Variants in GRM8 observed in about 807,000 individuals in gnomAD.
GRM8 encodes glutamate metabotropic receptor 8, also known as metabotropic glutamate receptor 8.
Under a neutral mutation model 87.2 loss-of-function variants are expected in GRM8, and 47 were observed. That is an observed-to-expected ratio of 0.54 (90% CI 0.43 to 0.69). GRM8 has a LOEUF of 0.69. Ranked by LOEUF, GRM8 falls within the 30% of genes least tolerant of loss-of-function variation. The probability of loss-of-function intolerance (pLI) is 0.00; values close to 1 mark genes in which losing one functional copy is unlikely to be tolerated. For synonymous variants in GRM8, 396 were observed against 404.5 expected, an observed-to-expected ratio of 0.98 and a Z score of 0.25; for missense variants, 1,019 against 1,139.2, an observed-to-expected ratio of 0.89 and a Z score of 1.52.
chr7:127,162,598 G>A (rs1793185372), intron 2 of GRM8, among the ~76,000 whole-genome samples: 1 of 152,130 alleles, frequency 6.6e-6, no homozygotes, highest in African/African-American at 2.4e-5. Context: ...TGTCTGAGTA[G>A]GGAGTTAATA....
chr7:127,235,004 T>C (rs765999852), intron 2 of GRM8, among the ~76,000 whole-genome samples: 5 of 152,226 alleles, frequency 3.3e-5, no homozygotes, highest in Non-Finnish European at 7.3e-5. Flanking sequence ...AGCACAGTAC[T>C]TTCCTTATGC....
At chr7:127,073,544 T>C (rs893526215) in intron 3 of GRM8, among the ~76,000 whole-genome samples, 7 of 152,160 alleles carry the variant, frequency 4.6e-5, no homozygotes, top group Admixed American at 6.5e-5. Flanking sequence ...TACCCCCCAA[T>C]GGTGTGGGGA....
chr7:126,441,323 T>C (rs1444741046), intron 10 of GRM8, among the ~76,000 whole-genome samples: 1 of 152,114 alleles, frequency 6.6e-6, no homozygotes, highest in Non-Finnish European at 1.5e-5. Context: ...AAATGTTTAA[T>C]TGTTCTGTTG....
At chr7:126,928,082 G>A (rs931614443) in intron 3 of GRM8, among the ~76,000 whole-genome samples, 19 of 152,094 alleles carry the variant, frequency 1.2e-4, no homozygotes, top group African/African-American at 3.1e-4. Flanking sequence ...CATGGATGAC[G>A]CTGGAAATCA....
intron 2 of GRM8, among the ~76,000 whole-genome samples, chr7:127,107,834 T>C (rs892422889): frequency 2.6e-5 from 4 of 152,184 alleles, no homozygotes. Context: ...GAGAGTCCTG[T>C]TCCCTACTAG....
intron 3 of GRM8, among the ~76,000 whole-genome samples, chr7:127,097,032 C>T (rs542576612): frequency 6.6e-6 from 1 of 152,254 alleles, no homozygotes; most frequent in South Asian, 2.1e-4. Context: ...GGTCATTCAA[C>T]AGAAATTCAT....
At chr7:126,587,041 G>GAACACATTT (rs1345509633) in intron 8 of GRM8, among the ~76,000 whole-genome samples, 5 of 152,054 alleles carry the variant, frequency 3.3e-5, no homozygotes, top group African/African-American at 4.8e-5. Context: ...CATCTCAAAA[G>GAACACATTT]AACACATTTA....
At chr7:127,121,542 C>T (rs1252216564) in intron 2 of GRM8, among the ~76,000 whole-genome samples, 1 of 152,154 alleles carries the variant, frequency 6.6e-6, no homozygotes, top group Non-Finnish European at 1.5e-5. Flanking sequence ...CACTCTCACA[C>T]TGCTCTAAAG....
intron 7 of GRM8, among the ~76,000 whole-genome samples, chr7:126,620,171 C>T (rs1203225069): frequency 6.6e-6 from 1 of 152,146 alleles, no homozygotes; most frequent in Non-Finnish European, 1.5e-5. Flanking sequence ...ACCTGTACTC[C>T]TCATTACTCA....
chr7:126,824,948 A>G (rs2130254782), intron 6 of GRM8, among the ~76,000 whole-genome samples: 1 of 152,348 alleles, frequency 6.6e-6, no homozygotes, highest in Admixed American at 6.5e-5. Flanking sequence ...ACTCTCTCAA[A>G]GAGCCTCTCT....
At chr7:126,452,352 G>T (rs939896739) in intron 9 of GRM8, among the ~76,000 whole-genome samples, 1 of 150,482 alleles carries the variant, frequency 6.6e-6, no homozygotes, top group African/African-American at 2.4e-5. Flanking sequence ...GTTAATGGGT[G>T]CAGCACACCA....
chr7:126,555,380 C>G (rs1164470127), intron 8 of GRM8, among the ~76,000 whole-genome samples: 2 of 152,208 alleles, frequency 1.3e-5, no homozygotes, highest in Non-Finnish European at 2.9e-5. Context: ...GAATAACCAA[C>G]AGTGTATGGT....
chr7:126,517,553 G>A (rs910150285), intron 9 of GRM8, among the ~76,000 whole-genome samples: 7 of 152,030 alleles, frequency 4.6e-5, no homozygotes, highest in Admixed American at 1.3e-4. Context: ...CAATTAAACT[G>A]AATGTGATTT....
At chr7:127,081,312 G>T (rs866091691) in intron 3 of GRM8, among the ~76,000 whole-genome samples, 1 of 152,128 alleles carries the variant, frequency 6.6e-6, no homozygotes, top group East Asian at 1.9e-4. Context: ...AGTAGAGCAG[G>T]ATGGTCCCTA....
intron 2 of GRM8, among the ~76,000 whole-genome samples, chr7:127,124,206 T>A (rs1386315115): frequency 6.6e-6 from 1 of 152,174 alleles, no homozygotes; most frequent in Non-Finnish European, 1.5e-5. Context: ...TTCAACTAAG[T>A]ACCCTCTCCA....
intron 3 of GRM8, among the ~76,000 whole-genome samples, chr7:126,938,778 T>C (rs917263143): frequency 2.0e-5 from 3 of 152,208 alleles, no homozygotes; most frequent in Non-Finnish European, 4.4e-5. Context: ...GTTATCTGAA[T>C]TGATAAATGG....
intron 6 of GRM8, among the ~76,000 whole-genome samples, chr7:126,854,180 C>T (rs1297729631): frequency 6.6e-6 from 1 of 152,168 alleles, no homozygotes; most frequent in Non-Finnish European, 1.5e-5. Context: ...GTGCCTTTGT[C>T]CCTGTTCCCT....
At position 127,213,534 on chromosome 7, in the gene GRM8, G is replaced by A. The variant is rs528515168; in HGVS notation, c.510+29161C>T. Among the ~76,000 whole-genome samples, 26 of 152,186 alleles carry A rather than the reference G, an allele frequency of 1.7e-4. No individual in the cohort carries two copies. The South Asian group carries it at 5.2e-3, about 30-fold the overall frequency. ...ATAATATTGAGTTGGCTAATTTTAGGCTCTCTTTCCCTGACTCCATTCTAC... is the reference window on the plus strand; with the variant it reads ...ATAATATTGAGTTGGCTAATTTTAGACTCTCTTTCCCTGACTCCATTCTAC... On this transcript the variant is annotated intron_variant, in intron 2 of 10. Coordinates refer to ENST00000339582, the MANE Select transcript of GRM8 (RefSeq NM_000845.3).
intron 2 of GRM8, among the ~76,000 whole-genome samples, chr7:127,113,163 G>C (rs2133137954): frequency 6.6e-6 from 1 of 152,244 alleles, no homozygotes; most frequent in South Asian, 2.1e-4. Context: ...CTGCCTCAAG[G>C]TTTCCCACTG....
Sources: gnomAD v4.1 joint callset for allele counts (sites outside exome capture counted in the v4.1 genomes callset) on GRCh38, gnomAD v4.1.1 for gene constraint, MANE v1.5 for transcripts, NCBI Gene and HGNC (gene_info 2026-07-23, HGNC 2026-07-21) for gene names.